The following IL34 variants were observed in gnomAD, a reference collection of about 807,000 sequenced individuals.
IL34 encodes interleukin 34, also known as interleukin-34.
Under a neutral mutation model 25.3 loss-of-function variants are expected in IL34, and 17 were observed. The ratio of observed to expected loss-of-function variants is 0.67; its 90% CI spans 0.46 to 1.01. The LOEUF (loss-of-function observed/expected upper bound fraction) is 1.01, where lower values mean the gene tolerates loss of function less well. Among genes scored for constraint, IL34 ranks in the 50% least tolerant of loss-of-function variants. The probability of loss-of-function intolerance (pLI) is 0.00; values close to 1 mark genes in which losing one functional copy is unlikely to be tolerated. For synonymous variants in IL34, 174 were observed against 140.9 expected, an observed-to-expected ratio of 1.23 and a Z score of -1.66; for missense variants, 368 against 312.9, an observed-to-expected ratio of 1.18 and a Z score of -1.33.
At chr16:70,658,058 C>T (rs567089243) in intron 4 of IL34, among the ~76,000 whole-genome samples, 6 of 152,192 alleles carry the variant, frequency 3.9e-5, no homozygotes, top group Non-Finnish European at 5.9e-5. Flanking sequence ...GACCTCTCCC[C>T]GTCTCCACCA....
At chr16:70,633,102 C>T (rs1027335457) in intron 1 of IL34, among the ~76,000 whole-genome samples, 1 of 152,098 alleles carries the variant, frequency 6.6e-6, no homozygotes, top group Non-Finnish European at 1.5e-5. Flanking sequence ...GCAGCTGAGA[C>T]CACAGGTGCA....
chr16:70,630,049 A>G (rs982969963), intron 1 of IL34, among the ~76,000 whole-genome samples: 1 of 152,108 alleles, frequency 6.6e-6, no homozygotes, highest in Non-Finnish European at 1.5e-5. Flanking sequence ...TCTACTCTCT[A>G]TCTCCATGAG....
intron 1 of IL34, among the ~76,000 whole-genome samples, chr16:70,620,594 C>T (rs1332021531): frequency 6.6e-6 from 1 of 151,770 alleles, no homozygotes; most frequent in Non-Finnish European, 1.5e-5. Flanking sequence ...AGGGGACAGG[C>T]GGGAGGGAAA....
At chr16:70,647,483 A>C (rs184640907) in intron 1 of IL34, among the ~76,000 whole-genome samples, 1 of 152,340 alleles carries the variant, frequency 6.6e-6, no homozygotes, top group African/African-American at 2.4e-5. Flanking sequence ...TGTTGGTAAA[A>C]AGAAAAATAA....
chr16:70,630,499 TG>T (rs1046029089), intron 1 of IL34, among the ~76,000 whole-genome samples: 3 of 152,152 alleles, frequency 2.0e-5, no homozygotes, highest in Admixed American at 6.6e-5. Context: ...CCCAAAGTGC[TG>T]GGATTACAGG....
At chr16:70,614,897 CCT>C (rs200749272) in intron 1 of IL34, among the ~76,000 whole-genome samples, 5 of 152,328 alleles carry the variant, frequency 3.3e-5, no homozygotes, top group South Asian at 2.1e-4. Flanking sequence ...AACTGCAACT[CCT>C]CTGTTTTACT....
chr16:70,601,515 A>G (rs1326400424), intron 1 of IL34, among the ~76,000 whole-genome samples: 3 of 151,932 alleles, frequency 2.0e-5, no homozygotes, highest in Non-Finnish European at 4.4e-5. Context: ...GGGCTCAAAC[A>G]ATTCTCCCAC....
At chr16:70,619,195 C>T (rs1289631177) in intron 1 of IL34, among the ~76,000 whole-genome samples, 1 of 152,016 alleles carries the variant, frequency 6.6e-6, no homozygotes, top group African/African-American at 2.4e-5. Context: ...CTTTTTAAAG[C>T]GTGCTGCGGG....
intron 1 of IL34, among the ~76,000 whole-genome samples, chr16:70,582,416 C>T (rs1386626386): frequency 5.2e-5 from 8 of 152,386 alleles, no homozygotes; most frequent in African/African-American, 1.2e-4. Context: ...GGGTAGGTTA[C>T]GCACATGGCT....
chr16:70,656,860 C>G lies in IL34; in HGVS notation c.241-100C>G, dbSNP rs570247277. On this transcript the variant is annotated intron_variant, in intron 3 of 5. Coordinates refer to ENST00000288098, the MANE Select transcript of IL34 (RefSeq NM_001393494.1). Reference sequence around the variant, plus strand: ...TGTCCACTGTCCACAGCGGACGGCCCGCGTCTGCTCCCTATGCAGGGGCAA... The same window carrying G: ...TGTCCACTGTCCACAGCGGACGGCCGGCGTCTGCTCCCTATGCAGGGGCAA... 3.0e-6 allele frequency: 4 copies of G among 1,340,288 alleles called. No homozygotes were observed. In the African/African-American group the frequency reaches 5.8e-5, roughly 19 times the overall value. 83.0% of individuals were successfully genotyped at this position (1,340,288 alleles called of 1,614,324 possible). A position where few individuals can be genotyped will look rare whatever the true frequency, so the allele number is the denominator to read the frequency against.
At chr16:70,637,533 G>T (rs1045886965) in intron 1 of IL34, among the ~76,000 whole-genome samples, 3 of 151,902 alleles carry the variant, frequency 2.0e-5, no homozygotes, top group African/African-American at 7.3e-5. Flanking sequence ...TAGTAGAGAC[G>T]GGGTTTTACC....
chr16:70,637,710 A>G (rs948591562), intron 1 of IL34, among the ~76,000 whole-genome samples: 3 of 152,212 alleles, frequency 2.0e-5, no homozygotes, highest in Non-Finnish European at 4.4e-5. Flanking sequence ...ATATATAAGG[A>G]TGTCAGATAG....
intron 1 of IL34, among the ~76,000 whole-genome samples, chr16:70,584,145 G>T (rs2050665201): frequency 6.6e-6 from 1 of 152,214 alleles, no homozygotes; most frequent in Non-Finnish European, 1.5e-5. Context: ...CTCCATGGAA[G>T]TCTGAGAACT....
chr16:70,650,330 C>T (rs2052047736), intron 1 of IL34, among the ~76,000 whole-genome samples: 1 of 152,184 alleles, frequency 6.6e-6, no homozygotes, highest in Non-Finnish European at 1.5e-5. Context: ...GTTTGGGCTG[C>T]ACTCAGAGGA....
At chr16:70,608,198 G>T (rs548152984) in intron 1 of IL34, among the ~76,000 whole-genome samples, 1 of 144,626 alleles carries the variant, frequency 6.9e-6, no homozygotes, top group Admixed American at 7.2e-5. Context: ...GTGTGCTCTC[G>T]GCTCACTGCA....
At chr16:70,640,839 C>G (rs1597769751) in intron 1 of IL34, among the ~76,000 whole-genome samples, 1 of 152,146 alleles carries the variant, frequency 6.6e-6, no homozygotes, top group Non-Finnish European at 1.5e-5. Flanking sequence ...CGCCCCTTCT[C>G]AGTCAATCCC....
At chr16:70,647,804 A>G (rs1017944436) in intron 1 of IL34, among the ~76,000 whole-genome samples, 3 of 152,226 alleles carry the variant, frequency 2.0e-5, no homozygotes, top group Non-Finnish European at 4.4e-5. Context: ...GTGGAAATAT[A>G]CAACAAAGGG....
intron 1 of IL34, among the ~76,000 whole-genome samples, chr16:70,648,705 C>T (rs952975830): frequency 3.3e-5 from 5 of 151,816 alleles, no homozygotes; most frequent in African/African-American, 1.2e-4. Context: ...GAGGTGGGGG[C>T]TGGTGCCCAG....
At chr16:70,639,372 C>T (rs1597768393) in intron 1 of IL34, among the ~76,000 whole-genome samples, 1 of 152,128 alleles carries the variant, frequency 6.6e-6, no homozygotes, top group African/African-American at 2.4e-5. Context: ...GAGGAAAGCA[C>T]AATATTGCGT....
Sources: allele counts gnomAD v4.1 joint callset (sites outside exome capture counted in the v4.1 genomes callset), GRCh38; gene constraint gnomAD v4.1.1; transcripts MANE v1.5; gene names NCBI Gene and HGNC (gene_info 2026-07-23, HGNC 2026-07-21).